Variants in UEVLD observed in about 807,000 individuals in gnomAD.
The protein encoded by UEVLD is ubiquitin-conjugating enzyme E2 variant 3.
UEVLD carries 47 observed loss-of-function variants against 58.6 expected under a neutral mutation model. The observed-to-expected ratio is 0.80, with a 90% confidence interval of 0.63 to 1.02. The LOEUF (loss-of-function observed/expected upper bound fraction) is 1.02. UEVLD is among the 50% of genes least tolerant of loss of function. The pLI is 0.00. For missense variants in UEVLD, 510 were observed against 550.6 expected (o/e 0.93, Z 0.74); for synonymous variants, 197 against 195.3 (o/e 1.01, Z -0.07).
intron 10 of UEVLD, among the ~76,000 whole-genome samples, chr11:18,536,003 G>A (rs1384432937): frequency 2.6e-5 from 4 of 152,154 alleles, no homozygotes; most frequent in Admixed American, 2.0e-4. Flanking sequence ...GCATGGTGGC[G>A]CATGCCTGTA....
chr11:18,570,100 G>A (rs1852516970), intron 4 of UEVLD, 114 bp downstream of exon 4: 2 of 1,146,436 alleles, frequency 1.7e-6, no homozygotes, highest in Non-Finnish European at 2.4e-6. Flanking sequence ...AAGACTACAT[G>A]AAGAATATCA....
chr11:18,588,679 C>T lies in UEVLD; in HGVS notation c.-25G>A. On this transcript the variant is annotated 5_prime_UTR_variant, in exon 1 of 12. Transcript: ENST00000396197. ...TCTCCAGGCCGGTCCCGAGCTAGGT[C>T]CCAGGACTCCAGCCCCCGGACCTTC... 1.2e-6 allele frequency: 2 copies of T among 1,605,902 alleles called. No individual in the cohort carries two copies. Among genetic ancestry groups the T allele is most frequent in the Non-Finnish European group, 8.5e-7 (1 of 1,179,310 alleles).
At chr11:18,535,790 G>A (rs1850766645) in intron 10 of UEVLD, among the ~76,000 whole-genome samples, 2 of 152,044 alleles carry the variant, frequency 1.3e-5, no homozygotes, top group Non-Finnish European at 2.9e-5. Context: ...CTATTTGTGT[G>A]TGATTAATAG....
At chr11:18,552,500 T>C (rs1348229449) in intron 7 of UEVLD, among the ~76,000 whole-genome samples, 1 of 151,966 alleles carries the variant, frequency 6.6e-6, no homozygotes, top group Non-Finnish European at 1.5e-5. Flanking sequence ...TGAGCCGAGA[T>C]GGCACCACTG....
Position 18,536,725 on chromosome 11 carries a change from G to A in UEVLD, c.1061-256C>T, listed in dbSNP as rs1850813818. On this transcript the variant is annotated intron_variant, in intron 9 of 11. Coordinates refer to ENST00000396197, the MANE Select transcript of UEVLD (RefSeq NM_001040697.4). Reference sequence around the variant, plus strand: ...TCTCCTTACCTGTTTTCTCTCATCAGTAACAGTTCTGCAAGGGCCATTTTA... The same window carrying A: ...TCTCCTTACCTGTTTTCTCTCATCAATAACAGTTCTGCAAGGGCCATTTTA... The A allele has an allele frequency of 1.5e-5, 6 of 404,736 alleles. No individual in the cohort carries two copies. In the South Asian group the frequency reaches 1.5e-4, roughly 10 times the overall value. 25.1% of individuals were successfully genotyped at this position (404,736 alleles called of 1,614,324 possible).
chr11:18,545,729 G>A (rs564040382), intron 8 of UEVLD, among the ~76,000 whole-genome samples: 12 of 152,316 alleles, frequency 7.9e-5, no homozygotes, highest in African/African-American at 2.9e-4. Flanking sequence ...ACAGGCGTGA[G>A]CCACCGTGCC....
intron 2 of UEVLD, 45 bp downstream of exon 2, chr11:18,578,679 T>A: frequency 7.0e-7 from 1 of 1,422,722 alleles, no homozygotes; most frequent in Admixed American, 1.9e-5. Flanking sequence ...CAAAAATTAG[T>A]AGTTCAAATA....
At chr11:18,570,136 T>G in intron 4 of UEVLD, 78 bp downstream of exon 4, 1 of 1,388,986 alleles carries the variant, frequency 7.2e-7, no homozygotes, top group Non-Finnish European at 9.7e-7. Context: ...GTATCATACT[T>G]ATTTGTACCA....
intron 11 of UEVLD, among the ~76,000 whole-genome samples, chr11:18,533,378 A>T (rs900318885): frequency 1.5e-5 from 2 of 129,546 alleles, no homozygotes; most frequent in Non-Finnish European, 1.6e-5. Flanking sequence ...GATCAACTTT[A>T]AAAAAAAAAA....
chr11:18,559,918 A>C (rs889628921), intron 6 of UEVLD, among the ~76,000 whole-genome samples: 1 of 152,044 alleles, frequency 6.6e-6, no homozygotes, highest in African/African-American at 2.4e-5. Context: ...GGGCAAAAGT[A>C]CCCAAAGATC....
chr11:18,569,928 T>C (rs1478363016), intron 4 of UEVLD: 3 of 211,236 alleles, frequency 1.4e-5, no homozygotes, highest in Non-Finnish European at 1.9e-5. Context: ...AATCACTTGC[T>C]AGTAGCTCCT....
In UEVLD at chr11:18,544,690, T is replaced by C. The variant is rs1851215177; in HGVS notation, c.993A>G (p.Thr331=). The C allele has an allele frequency of 1.3e-6, 2 of 1,590,494 alleles. No homozygotes were observed. The highest frequency in any genetic ancestry group is 1.7e-6 in the Non-Finnish European group (2 of 1,172,574). The part of the protein sequence containing the change: ...LDSQRLQYII[T]NVLKAQTSGK... ...CTGAAGTCTGTGCCTTCAAAACATT[T>C]GTAATAATATACTGTAATCTCTGTG... Residue 331 remains threonine, a synonymous_variant, in exon 9 of 12, where the codon ACA becomes ACG. Transcript: ENST00000396197.
At chr11:18,545,056 ATC>A (rs1260501226) in intron 8 of UEVLD, among the ~76,000 whole-genome samples, 1 of 27,888 alleles carries the variant, frequency 3.6e-5, no homozygotes, top group East Asian at 1.4e-3. Context: ...CTATATCTAT[ATC>A]TATATCTATA....
At chr11:18,564,015 A>AG (rs1852170426) in intron 6 of UEVLD, 1 of 369,136 alleles carries the variant, frequency 2.7e-6, no homozygotes, top group Admixed American at 3.3e-5. Flanking sequence ...AAAAAAAAAA[A>AG]AAAAAAAAAG....
chr11:18,583,464 C>T (rs1327559392), intron 1 of UEVLD, among the ~76,000 whole-genome samples: 1 of 152,090 alleles, frequency 6.6e-6, no homozygotes, highest in African/African-American at 2.4e-5. Context: ...GATGATCCAC[C>T]TGCTTTGGCC....
At chr11:18,549,927 T>C (rs973764044) in intron 7 of UEVLD, among the ~76,000 whole-genome samples, 1 of 152,048 alleles carries the variant, frequency 6.6e-6, no homozygotes, top group Non-Finnish European at 1.5e-5. Context: ...GTTCAAGTGA[T>C]TCTCCTGCGT....
intron 9 of UEVLD, among the ~76,000 whole-genome samples, chr11:18,538,724 A>T (rs181583292): frequency 1.2e-3 from 190 of 152,002 alleles, no homozygotes; most frequent in African/African-American, 4.4e-3. Context: ...CATACTTGCC[A>T]TAGTTAAGTT....
chr11:18,587,018 C>T (rs1853602927), intron 1 of UEVLD, among the ~76,000 whole-genome samples: 1 of 151,986 alleles, frequency 6.6e-6, no homozygotes, highest in African/African-American at 2.4e-5. Context: ...GGTGACAGAG[C>T]GAGACTCCGT....
intron 9 of UEVLD, chr11:18,539,187 T>G (rs1049360612): frequency 2.8e-5 from 4 of 145,394 alleles, no homozygotes; most frequent in African/African-American, 1.0e-4. Context: ...TTCTCCTGCC[T>G]CAGCCTCCCG....
Sources: allele counts gnomAD v4.1 joint callset (sites outside exome capture counted in the v4.1 genomes callset), GRCh38; gene constraint gnomAD v4.1.1; transcripts MANE v1.5; gene names NCBI Gene and HGNC (gene_info 2026-07-23, HGNC 2026-07-21).